NKAIN3: variants seen among roughly 807,000 people sequenced by gnomAD.
NKAIN3 encodes the protein sodium/potassium-transporting ATPase subunit beta-1-interacting protein 3.
A neutral mutation model predicts 30.2 loss-of-function variants in NKAIN3; 25 were observed. The ratio of observed to expected loss-of-function variants is 0.83; its 90% CI spans 0.60 to 1.16. NKAIN3 has a LOEUF of 1.16. NKAIN3 is among the 50% of genes most tolerant of loss of function. The probability of loss-of-function intolerance (pLI) is 0.00; values close to 1 mark genes in which losing one functional copy is unlikely to be tolerated. For missense variants in NKAIN3, 225 were observed against 254.1 expected, an observed-to-expected ratio of 0.89 and a Z score of 0.78; for synonymous variants, 91 against 89.6, an observed-to-expected ratio of 1.02 and a Z score of -0.09.
intron 3 of NKAIN3, among the ~76,000 whole-genome samples, chr8:62,657,164 T>C (rs1812785991): frequency 1.3e-5 from 2 of 152,222 alleles, no homozygotes; most frequent in South Asian, 4.1e-4. Flanking sequence ...CCTTGCAAAG[T>C]AACTATCTGA....
intron 3 of NKAIN3, among the ~76,000 whole-genome samples, chr8:62,630,279 C>A (rs1013996681): frequency 2.6e-5 from 4 of 152,050 alleles, no homozygotes; most frequent in African/African-American, 9.7e-5. Flanking sequence ...ATTGTTTGAG[C>A]AAGAAGTAGA....
intron 1 of NKAIN3, among the ~76,000 whole-genome samples, chr8:62,493,972 G>A (rs1158868995): frequency 6.6e-6 from 1 of 152,110 alleles, no homozygotes; most frequent in Non-Finnish European, 1.5e-5. Context: ...CTGCCAACAG[G>A]ATAATTTGAC....
chr8:62,506,464 TTTTC>T (rs142208754), intron 1 of NKAIN3, among the ~76,000 whole-genome samples: 1 of 121,086 alleles, frequency 8.3e-6, no homozygotes, highest in Non-Finnish European at 1.6e-5. Context: ...GCTTTTTCTT[TTTTC>T]TTTCTTTCTT....
chr8:62,686,282 C>G (rs1813798468), intron 3 of NKAIN3, among the ~76,000 whole-genome samples: 4 of 152,188 alleles, frequency 2.6e-5, no homozygotes, highest in Admixed American at 2.6e-4. Context: ...CTCCTTCCTT[C>G]TCTCCTGTCC....
At chr8:62,534,780 A>G (rs892466650) in intron 1 of NKAIN3, among the ~76,000 whole-genome samples, 1 of 151,646 alleles carries the variant, frequency 6.6e-6, no homozygotes, top group African/African-American at 2.4e-5. Flanking sequence ...AGAGACCTCT[A>G]CTTCTCCATA....
At chr8:62,286,396 T>A (rs936410793) in intron 1 of NKAIN3, among the ~76,000 whole-genome samples, 2 of 152,258 alleles carry the variant, frequency 1.3e-5, no homozygotes, top group South Asian at 2.1e-4. Flanking sequence ...TATTTTTTTT[T>A]AAATGAACAG....
intron 3 of NKAIN3, among the ~76,000 whole-genome samples, chr8:62,663,732 C>A (rs58930782): frequency 6.6e-6 from 1 of 151,976 alleles, no homozygotes; most frequent in South Asian, 2.1e-4. Context: ...TGCTTTTTTC[C>A]GATAGGCTCA....
chr8:62,947,752 G>A (rs993749431), intron 5 of NKAIN3, among the ~76,000 whole-genome samples: 1 of 152,166 alleles, frequency 6.6e-6, no homozygotes, highest in Non-Finnish European at 1.5e-5. Context: ...CACATGTAGA[G>A]CCCCTTGTGG....
At chr8:62,568,420 T>C (rs1585957215) in intron 1 of NKAIN3, among the ~76,000 whole-genome samples, 1 of 152,336 alleles carries the variant, frequency 6.6e-6, no homozygotes, top group Non-Finnish European at 1.5e-5. Context: ...TTTAGAATAT[T>C]TCTTTAATAT....
intron 1 of NKAIN3, among the ~76,000 whole-genome samples, chr8:62,524,501 C>G (rs2129801367): frequency 6.6e-6 from 1 of 152,228 alleles, no homozygotes; most frequent in African/African-American, 2.4e-5. Flanking sequence ...CTAATTCTGT[C>G]TGCTGATGGC....
intron 1 of NKAIN3, among the ~76,000 whole-genome samples, chr8:62,528,515 G>A (rs1808388082): frequency 6.6e-6 from 1 of 151,264 alleles, no homozygotes; most frequent in Admixed American, 6.6e-5. Flanking sequence ...GCCCAGCATT[G>A]GCATTTGTCA....
intron 4 of NKAIN3, among the ~76,000 whole-genome samples, chr8:62,902,073 C>G (rs1821630103): frequency 6.6e-6 from 1 of 152,182 alleles, no homozygotes; most frequent in African/African-American, 2.4e-5. Flanking sequence ...CACAGCTGCT[C>G]TGCCATCCAC....
intron 1 of NKAIN3, among the ~76,000 whole-genome samples, chr8:62,575,626 T>C (rs942347286): frequency 3.9e-5 from 6 of 152,240 alleles, no homozygotes; most frequent in Admixed American, 3.3e-4. Flanking sequence ...TTAAAATTTA[T>C]ATGTAGTCAC....
chr8:62,780,160 C>A (rs1563558058), intron 4 of NKAIN3, among the ~76,000 whole-genome samples: 1 of 151,964 alleles, frequency 6.6e-6, no homozygotes, highest in Non-Finnish European at 1.5e-5. Flanking sequence ...CTATTATGAA[C>A]CATTATAAGC....
Position 62,263,086 on chromosome 8 carries a change from A to G in NKAIN3, c.54+13959A>G, listed in dbSNP as rs926808559. Among the ~76,000 whole-genome samples, 6 of 152,206 alleles carry G rather than the reference A, an allele frequency of 3.9e-5. No homozygotes were observed. In the East Asian group the frequency reaches 1.2e-3, roughly 29 times the overall value. On this transcript the variant is annotated intron_variant, in intron 1 of 6. Coordinates refer to ENST00000623646, the MANE Select transcript of NKAIN3 (RefSeq NM_001304533.3). ...CCAAATTCTTGATTTTTGTCCCACT[A>G]TATTTAGGAAATAATATTGTTTTCA...
intron 1 of NKAIN3, among the ~76,000 whole-genome samples, chr8:62,451,953 T>C (rs952081342): frequency 1.3e-5 from 2 of 152,196 alleles, no homozygotes; most frequent in Non-Finnish European, 2.9e-5. Flanking sequence ...TGCTTGCTGC[T>C]TTATTTATTT....
At chr8:62,249,999 AT>A (rs1812048143) in intron 1 of NKAIN3, among the ~76,000 whole-genome samples, 1 of 152,150 alleles carries the variant, frequency 6.6e-6, no homozygotes, top group African/African-American at 2.4e-5. Flanking sequence ...TGTGTGAGAG[AT>A]TAATAGACAT....
chr8:62,299,183 C>T (rs1813950786), intron 1 of NKAIN3, among the ~76,000 whole-genome samples: 1 of 152,020 alleles, frequency 6.6e-6, no homozygotes, highest in Admixed American at 6.6e-5. Flanking sequence ...ATTTGTTGTT[C>T]TATCATTTTT....
chr8:62,433,664 T>A (rs750783109), intron 1 of NKAIN3, among the ~76,000 whole-genome samples: 9 of 152,104 alleles, frequency 5.9e-5, no homozygotes, highest in Non-Finnish European at 4.4e-5. Context: ...CAAGAGTAAT[T>A]GAGGTTTTTG....
Sources: gnomAD v4.1 joint callset for allele counts (sites outside exome capture counted in the v4.1 genomes callset) on GRCh38, gnomAD v4.1.1 for gene constraint, MANE v1.5 for transcripts, NCBI Gene and HGNC (gene_info 2026-07-23, HGNC 2026-07-21) for gene names.